SENP1: variants seen among roughly 807,000 people sequenced by gnomAD.
The protein encoded by SENP1 is sentrin-specific protease 1.
In SENP1, 21 loss-of-function variants were observed where a neutral mutation model predicts 93.0. That is an observed-to-expected ratio of 0.23 (90% confidence interval 0.16 to 0.33). The LOEUF is 0.33. Among genes scored for constraint, SENP1 ranks in the 10% least tolerant of loss-of-function variants. The probability of loss-of-function intolerance (pLI) is 1.00; values close to 1 mark genes in which losing one functional copy is unlikely to be tolerated. For missense variants in SENP1, 591 were observed against 758.7 expected (o/e 0.78, Z 2.60); for synonymous variants, 256 against 259.6 (o/e 0.99, Z 0.13).
intron 15 of SENP1, among the ~76,000 whole-genome samples, 179 bp from the exon 16 acceptor site, chr12:48,047,241 A>AT (rs1181771453): frequency 6.6e-6 from 1 of 152,184 alleles, no homozygotes; most frequent in African/African-American, 2.4e-5. Context: ...AGAGCTGAGC[A>AT]TGCCTCTTCT....
chr12:48,059,019 C>G (rs1262901089), intron 13 of SENP1, among the ~76,000 whole-genome samples: 1 of 152,088 alleles, frequency 6.6e-6, no homozygotes, highest in African/African-American at 2.4e-5. Context: ...CTTAATGTGC[C>G]TTTTTCCTTC....
At chr12:48,104,966 T>C (rs148309926) in intron 1 of SENP1, among the ~76,000 whole-genome samples, 180 of 152,304 alleles carry the variant, frequency 1.2e-3, no homozygotes, top group East Asian at 4.1e-3. Context: ...GGATCATGCT[T>C]ATAGAGATGC....
chr12:48,050,319 C>G (rs2136776637), intron 13 of SENP1, among the ~76,000 whole-genome samples: 1 of 152,356 alleles, frequency 6.6e-6, no homozygotes, highest in Middle Eastern at 3.4e-3. Context: ...CAACGACATA[C>G]TGGGTAGGCA....
At chr12:48,102,109 T>G (rs1367666630) in intron 1 of SENP1, among the ~76,000 whole-genome samples, 3 of 152,272 alleles carry the variant, frequency 2.0e-5, no homozygotes, top group Non-Finnish European at 4.4e-5. Flanking sequence ...ATCCACTTTT[T>G]CCACAAAATA....
At chr12:48,046,485 T>C in intron 16 of SENP1, 34 bp from the exon 17 acceptor site, 1 of 1,365,392 alleles carries the variant, frequency 7.3e-7, no homozygotes, top group Non-Finnish European at 1.0e-6. Context: ...ATGACATCTT[T>C]CCAAGCTTCT....
Position 48,065,228 on chromosome 12 carries a change from A to T in SENP1, c.1120-8T>A, listed in dbSNP as rs1943218155. ...TTCCCGCTCCTGCAATCTCTGAAAG[A>T]TAAAACTTCAGAGTAAGTGGGATAA... is the stretch of plus-strand genomic sequence containing the variant. On this transcript the variant is annotated splice_polypyrimidine_tract_variant and splice_region_variant and intron_variant, in intron 11 of 17. Coordinates refer to ENST00000549518, the MANE Select transcript of SENP1 (RefSeq NM_001267594.2). 6.4e-7 allele frequency: 1 copy of T among 1,573,132 alleles called. No individual in the cohort carries two copies. Among genetic ancestry groups the T allele is most frequent in the African/African-American group, 1.4e-5 (1 of 73,950 alleles).
chr12:48,082,978 G>C (rs1029250402), intron 6 of SENP1, among the ~76,000 whole-genome samples: 2 of 152,066 alleles, frequency 1.3e-5, no homozygotes, highest in Non-Finnish European at 2.9e-5. Flanking sequence ...AAAGCAAGTC[G>C]AGTGCAGCCT....
chr12:48,105,869 G>A (rs984040131), intron 1 of SENP1, 159 bp downstream of exon 1: 13 of 606,266 alleles, frequency 2.1e-5, no homozygotes, highest in South Asian at 3.9e-5. Context: ...GGGGAGGGGA[G>A]GTGGTCCCAG....
Position 48,088,865 on chromosome 12 carries a change from T to G in SENP1, c.316A>C (p.Ser106Arg). 1.2e-6 allele frequency: 2 copies of G among 1,606,708 alleles called. No homozygotes were observed. The highest frequency in any genetic ancestry group is 1.7e-6 in the Non-Finnish European group (2 of 1,176,220). ...GQWRNSTPSS[S>R]SSLQKSRNSR... ...TTTCTTGATTTTTGTAAAGATGAGC[T>G]TGACGATGGGGTAGAATTTCTCCAT... The change falls in exon 5 of 18, where the codon AGC (serine) becomes CGC (arginine). Residue 106 changes from serine (S) to arginine (R), a missense_variant. Physicochemically the swap from Ser to Arg is moderately radical, Grantham distance 110. This residue lies in a region of SENP1 where 214 missense variants were observed against 243.4 expected (regional missense o/e 0.88). Coordinates refer to ENST00000549518, the MANE Select transcript of SENP1 (RefSeq NM_001267594.2).
At chr12:48,075,103 C>G (rs1253227109) in intron 6 of SENP1, among the ~76,000 whole-genome samples, 2 of 152,020 alleles carry the variant, frequency 1.3e-5, no homozygotes, top group African/African-American at 4.8e-5. Context: ...GTGGTCCCAG[C>G]TACTGGGGAG....
chr12:48,064,970 C>T, intron 12 of SENP1, 95 bp downstream of exon 12: 1 of 905,566 alleles, frequency 1.1e-6, no homozygotes, highest in Non-Finnish European at 1.8e-6. Flanking sequence ...AGCCACCGTG[C>T]CTGACCACTA....
chr12:48,073,675 C>T (rs1943875581), intron 8 of SENP1, among the ~76,000 whole-genome samples: 1 of 152,144 alleles, frequency 6.6e-6, no homozygotes, highest in Admixed American at 6.5e-5. Flanking sequence ...ACGTAGAAAA[C>T]TTTTTGCTTC....
chr12:48,090,492 C>G (rs1306956924), intron 4 of SENP1, among the ~76,000 whole-genome samples: 1 of 152,176 alleles, frequency 6.6e-6, no homozygotes, highest in African/African-American at 2.4e-5. Flanking sequence ...TCTGTTTAAA[C>G]AGAAAAAGGT....
At chr12:48,070,607 T>C (rs1476918361) in intron 9 of SENP1, among the ~76,000 whole-genome samples, 3 of 152,182 alleles carry the variant, frequency 2.0e-5, no homozygotes, top group Non-Finnish European at 4.4e-5. Flanking sequence ...TCAGTAAATA[T>C]TTGTTAAAAG....
chr12:48,076,897 G>A (rs12311953), intron 6 of SENP1, among the ~76,000 whole-genome samples: 25,323 of 151,896 alleles, frequency 0.17, 2,440 homozygotes, highest in East Asian at 0.28. Context: ...TGCCTGCCTC[G>A]GCCTCCCAAA....
intron 1 of SENP1, 116 bp downstream of exon 1, chr12:48,105,912 C>A (rs1279867062): frequency 3.1e-6 from 2 of 646,664 alleles, no homozygotes; most frequent in Non-Finnish European, 5.6e-6. Flanking sequence ...GCCGGCCCCA[C>A]AGTGCTCCCC....
chr12:48,056,644 T>C, intron 13 of SENP1, among the ~76,000 whole-genome samples: 1 of 72,674 alleles, frequency 1.4e-5, no homozygotes. Context: ...ATATATTACA[T>C]ATATAAATAT....
chr12:48,078,334 T>TATATATATATAC, intron 6 of SENP1, among the ~76,000 whole-genome samples: 16 of 67,910 alleles, frequency 2.4e-4, no homozygotes, highest in South Asian at 1.2e-3. Flanking sequence ...TATATATATA[T>TATATATATATAC]ACACACACAT....
chr12:48,085,333 TC>T, intron 5 of SENP1: 1 of 1,467,778 alleles, frequency 6.8e-7, no homozygotes, highest in African/African-American at 1.4e-5. Context: ...GTCCTGGAGA[TC>T]CCCTCCAAGG....
Sources: gnomAD v4.1 joint callset for allele counts (sites outside exome capture counted in the v4.1 genomes callset) on GRCh38, gnomAD v4.1.1 for gene constraint, gnomAD v4.1.1 regional missense constraint, MANE v1.5 for transcripts, NCBI Gene and HGNC (gene_info 2026-07-23, HGNC 2026-07-21) for gene names.